The following SF3B6 variants were observed in gnomAD, a reference collection of about 807,000 sequenced individuals.
SF3B6 encodes SF3b 14 kDa subunit.
SF3B6 carries 3 observed loss-of-function variants against 15.9 expected under a neutral mutation model. The ratio of observed to expected loss-of-function variants is 0.19; its 90% confidence interval spans 0.09 to 0.49. The LOEUF (loss-of-function observed/expected upper bound fraction) is 0.49, where lower values mean the gene tolerates loss of function less well. Ranked by LOEUF, SF3B6 falls within the 20% of genes least tolerant of loss-of-function variation. SF3B6 has a pLI of 0.97. For missense variants in SF3B6, 71 were observed against 154.3 expected, an observed-to-expected ratio of 0.46 and a Z score of 2.86; for synonymous variants, 49 against 51.1, an observed-to-expected ratio of 0.96 and a Z score of 0.18.
intron 3 of SF3B6, 69 bp downstream of exon 3, chr2:24,068,252 C>T (rs541098093): frequency 2.0e-5 from 29 of 1,479,608 alleles, no homozygotes; most frequent in South Asian, 5.5e-5. Context: ...CATGAGCCAC[C>T]GCGCCCGGCC....
intron 3 of SF3B6, 136 bp from the exon 4 acceptor site, chr2:24,067,987 C>CTCCGTCTCAA: frequency 1.3e-6 from 1 of 771,844 alleles, no homozygotes; most frequent in Non-Finnish European, 2.1e-6. Flanking sequence ...TCTCTTGAGA[C>CTCCGTCTCAA]GGAGTCTCTC....
At chr2:24,075,346 TTTC>T (rs1042058982) in intron 1 of SF3B6, among the ~76,000 whole-genome samples, 2 of 140,398 alleles carry the variant, frequency 1.4e-5, no homozygotes, top group Non-Finnish European at 3.0e-5. Context: ...TCTTTCTTTC[TTTC>T]TTTCTTTCTG....
chr2:24,073,982 A>C, intron 2 of SF3B6, 94 bp downstream of exon 2: 1 of 790,150 alleles, frequency 1.3e-6, no homozygotes, highest in Non-Finnish European at 2.2e-6. Flanking sequence ...GGGTTGTCGC[A>C]CTGCACACAG....
intron 1 of SF3B6, 101 bp from the exon 2 acceptor site, chr2:24,074,295 GA>G: frequency 6.5e-6 from 4 of 610,858 alleles, no homozygotes; most frequent in Non-Finnish European, 1.1e-5. Flanking sequence ...AATTCTTAAT[GA>G]TACGTAATAA....
At position 24,076,292 on chromosome 2, in the gene SF3B6, CG is replaced by C. The variant is rs1378159487; in HGVS notation, c.-64del. 1 of 1,602,358 alleles carries C rather than the reference CG, an allele frequency of 6.2e-7. No homozygotes were observed. Among genetic ancestry groups the C allele is most frequent in the African/African-American group, 1.3e-5 (1 of 74,800 alleles). The stretch of plus-strand genomic sequence containing the variant: ...AATTCCTCCGGAGCTCGCTCGGCTT[CG>C]GGGGTTACACCGCGTTAGATGCAGG... On this transcript the variant is annotated 5_prime_UTR_variant, in exon 1 of 4. Transcript: ENST00000233468.
At chr2:24,071,847 T>G (rs1469628465) in intron 2 of SF3B6, among the ~76,000 whole-genome samples, 1 of 152,212 alleles carries the variant, frequency 6.6e-6, no homozygotes. Context: ...CCTGCTTTAT[T>G]CCCTGTCCTT....
intron 1 of SF3B6, among the ~76,000 whole-genome samples, chr2:24,075,433 G>A (rs192413031): frequency 4.3e-4 from 62 of 145,014 alleles, no homozygotes; most frequent in African/African-American, 1.6e-3. Context: ...GCACAATCAT[G>A]GCTCAAGGCA....
chr2:24,074,410 G>C (rs1475062083), intron 1 of SF3B6, among the ~76,000 whole-genome samples: 1 of 152,150 alleles, frequency 6.6e-6, no homozygotes, highest in African/African-American at 2.4e-5. Context: ...TATAATCCCA[G>C]CACTTTGGGA....
intron 1 of SF3B6, among the ~76,000 whole-genome samples, chr2:24,074,938 G>A (rs1664708494): frequency 6.6e-6 from 1 of 152,124 alleles, no homozygotes; most frequent in Non-Finnish European, 1.5e-5. Flanking sequence ...AGACCAGCCT[G>A]GCCAACACGG....
At chr2:24,075,918 C>A (rs1026989587) in intron 1 of SF3B6, among the ~76,000 whole-genome samples, 1 of 152,036 alleles carries the variant, frequency 6.6e-6, no homozygotes, top group Admixed American at 6.6e-5. Context: ...ATAATCCTAA[C>A]GCCAGGTCCT....
At chr2:24,070,892 G>A (rs1664641884) in intron 2 of SF3B6, among the ~76,000 whole-genome samples, 1 of 152,162 alleles carries the variant, frequency 6.6e-6, no homozygotes, top group South Asian at 2.1e-4. Context: ...TCTGCGACAG[G>A]CACTAGAAAT....
At chr2:24,068,831 TTTG>T (rs1305135815) in intron 2 of SF3B6, among the ~76,000 whole-genome samples, 1 of 152,030 alleles carries the variant, frequency 6.6e-6, no homozygotes, top group East Asian at 1.9e-4. Flanking sequence ...TTGTCTTTGT[TTTG>T]TTTTGTTTTT....
At chr2:24,068,517 A>C in intron 2 of SF3B6, 58 bp from the exon 3 acceptor site, 1 of 1,444,818 alleles carries the variant, frequency 6.9e-7, no homozygotes, top group Non-Finnish European at 9.4e-7. Flanking sequence ...TTGATAGTTG[A>C]CTTACAGAAC....
In SF3B6 at chr2:24,076,312, A is replaced by T; in HGVS notation, c.-83T>A. On this transcript the variant is annotated 5_prime_UTR_variant, in exon 1 of 4. Coordinates refer to ENST00000233468, the MANE Select transcript of SF3B6 (RefSeq NM_016047.4). Reference sequence around the variant, plus strand: ...GGCTTCGGGGGTTACACCGCGTTAGATGCAGGACATCAACATCCAGGACCC... The same window carrying T: ...GGCTTCGGGGGTTACACCGCGTTAGTTGCAGGACATCAACATCCAGGACCC... The T allele has an allele frequency of 6.5e-7, 1 of 1,534,002 alleles. No homozygotes were observed. Among genetic ancestry groups the T allele is most frequent in the Non-Finnish European group, 9.0e-7 (1 of 1,106,872 alleles).
intron 1 of SF3B6, among the ~76,000 whole-genome samples, chr2:24,074,444 G>A (rs1189676016): frequency 1.3e-5 from 2 of 152,102 alleles, no homozygotes; most frequent in African/African-American, 2.4e-5. Context: ...GATCACTTGA[G>A]CCCAGGAGTT....
intron 3 of SF3B6, 139 bp from the exon 4 acceptor site, chr2:24,067,990 A>G: frequency 1.3e-6 from 1 of 763,518 alleles, no homozygotes; most frequent in Non-Finnish European, 2.2e-6. Flanking sequence ...CTTGAGACGG[A>G]GTCTCTCTGT....
At chr2:24,073,002 C>T (rs1269531421) in intron 2 of SF3B6, among the ~76,000 whole-genome samples, 2 of 152,194 alleles carry the variant, frequency 1.3e-5, no homozygotes, top group Admixed American at 6.5e-5. Context: ...AAGCTTTTAT[C>T]AGATGCTCAA....
chr2:24,070,695 C>T (rs1664639427), intron 2 of SF3B6, among the ~76,000 whole-genome samples: 1 of 152,140 alleles, frequency 6.6e-6, no homozygotes, highest in South Asian at 2.1e-4. Flanking sequence ...GTCCAGTGTC[C>T]CAGAAAATCT....
At chr2:24,070,305 G>A (rs1037764801) in intron 2 of SF3B6, among the ~76,000 whole-genome samples, 3 of 152,148 alleles carry the variant, frequency 2.0e-5, no homozygotes, top group Non-Finnish European at 1.5e-5. Context: ...CACCATGCCC[G>A]ACTAATTTTT....
Sources: gnomAD v4.1 joint callset for allele counts (sites outside exome capture counted in the v4.1 genomes callset) on GRCh38, gnomAD v4.1.1 for gene constraint, MANE v1.5 for transcripts, NCBI Gene and HGNC (gene_info 2026-07-23, HGNC 2026-07-21) for gene names.